The following PDZRN4 variants were observed in gnomAD, a reference collection of about 807,000 sequenced individuals.
PDZRN4 encodes PDZ domain-containing RING finger protein 4.
Under a neutral mutation model 99.0 loss-of-function variants are expected in PDZRN4, and 70 were observed. That is an observed-to-expected ratio of 0.71 (90% confidence interval 0.58 to 0.86). The LOEUF is 0.86. Ranked by LOEUF, PDZRN4 falls within the 40% of genes least tolerant of loss-of-function variation. The pLI is 0.00. For missense variants in PDZRN4, 1,474 were observed against 1,331.2 expected (o/e 1.11, Z -1.67); for synonymous variants, 551 against 501.6 (o/e 1.10, Z -1.32).
chr12:41,494,591 T>G (rs1478299664), intron 3 of PDZRN4, among the ~76,000 whole-genome samples: 1 of 152,146 alleles, frequency 6.6e-6, no homozygotes, highest in Non-Finnish European at 1.5e-5. Flanking sequence ...TACTTTATTT[T>G]TTTTTTGCCT....
intron 3 of PDZRN4, among the ~76,000 whole-genome samples, chr12:41,408,801 C>A (rs1391742495): frequency 6.6e-6 from 1 of 151,734 alleles, no homozygotes. Context: ...CTCTCTCTGT[C>A]TCTGTCTCTC....
chr12:41,464,469 C>T (rs1952906250), intron 3 of PDZRN4, among the ~76,000 whole-genome samples: 1 of 152,198 alleles, frequency 6.6e-6, no homozygotes, highest in South Asian at 2.1e-4. Flanking sequence ...CCAGTCTAGA[C>T]ATGAGATCTG....
intron 3 of PDZRN4, among the ~76,000 whole-genome samples, chr12:41,360,995 C>A (rs1296626686): frequency 2.0e-5 from 3 of 151,582 alleles, no homozygotes; most frequent in Admixed American, 6.6e-5. Flanking sequence ...GGAACATACA[C>A]ATGTACATAC....
At chr12:41,245,688 A>G (rs1030164585) in intron 3 of PDZRN4, among the ~76,000 whole-genome samples, 2 of 152,042 alleles carry the variant, frequency 1.3e-5, no homozygotes, top group African/African-American at 4.8e-5. Context: ...ATAAAAAGTG[A>G]AAAAAAATAT....
chr12:41,228,092 A>G (rs1951006891), intron 3 of PDZRN4, among the ~76,000 whole-genome samples: 1 of 152,174 alleles, frequency 6.6e-6, no homozygotes, highest in Admixed American at 6.5e-5. Context: ...GTACAGGAAA[A>G]GACAGTCATC....
At chr12:41,245,828 G>C (rs2120794097) in intron 3 of PDZRN4, among the ~76,000 whole-genome samples, 1 of 152,260 alleles carries the variant, frequency 6.6e-6, no homozygotes, top group South Asian at 2.1e-4. Context: ...AGCAAAAGAA[G>C]GGCAGCCCCA....
intron 3 of PDZRN4, among the ~76,000 whole-genome samples, chr12:41,257,000 A>C (rs1404420470): frequency 2.0e-5 from 3 of 152,044 alleles, no homozygotes; most frequent in Non-Finnish European, 4.4e-5. Context: ...ACTTTCCTCC[A>C]CATTCTTCAA....
intron 3 of PDZRN4, among the ~76,000 whole-genome samples, chr12:41,404,982 T>C (rs1477175323): frequency 6.6e-6 from 1 of 151,954 alleles, no homozygotes; most frequent in Non-Finnish European, 1.5e-5. Context: ...AATTAAAGAT[T>C]TAAATGTAAT....
intron 3 of PDZRN4, among the ~76,000 whole-genome samples, chr12:41,505,477 T>C (rs1938189480): frequency 1.3e-5 from 2 of 152,226 alleles, no homozygotes; most frequent in East Asian, 3.9e-4. Context: ...AATTGACAAA[T>C]ATTTGAGAGT....
At chr12:41,432,469 G>T (rs1390889401) in intron 3 of PDZRN4, among the ~76,000 whole-genome samples, 1 of 152,118 alleles carries the variant, frequency 6.6e-6, no homozygotes, top group Non-Finnish European at 1.5e-5. Flanking sequence ...ATGTCAATTT[G>T]CCCAACTCAG....
chr12:41,470,377 A>G (rs183019307), intron 3 of PDZRN4, among the ~76,000 whole-genome samples: 38 of 152,030 alleles, frequency 2.5e-4, no homozygotes, highest in African/African-American at 8.4e-4. Context: ...GTTTTTTTGT[A>G]TGTGTTTTTG....
At chr12:41,257,624 A>G (rs1332041721) in intron 3 of PDZRN4, among the ~76,000 whole-genome samples, 2 of 152,236 alleles carry the variant, frequency 1.3e-5, no homozygotes, top group African/African-American at 4.8e-5. Context: ...CTTTGGACAC[A>G]TAGAAGAAAT....
chr12:41,497,691 G>A (rs1266325123), intron 3 of PDZRN4, among the ~76,000 whole-genome samples: 1 of 152,158 alleles, frequency 6.6e-6, no homozygotes, highest in Non-Finnish European at 1.5e-5. Flanking sequence ...TTGGAGAGCA[G>A]GATATCAGGT....
intron 3 of PDZRN4, among the ~76,000 whole-genome samples, chr12:41,233,204 T>A (rs1004514647): frequency 2.6e-5 from 4 of 152,102 alleles, no homozygotes; most frequent in African/African-American, 9.7e-5. Flanking sequence ...TCATCACTGG[T>A]CATCAGAGAA....
At chr12:41,514,893 A>G (rs1325273386) in intron 5 of PDZRN4, among the ~76,000 whole-genome samples, 3 of 152,130 alleles carry the variant, frequency 2.0e-5, no homozygotes, top group African/African-American at 7.2e-5. Flanking sequence ...AGACATAAGT[A>G]ATGTAGTAGA....
intron 3 of PDZRN4, among the ~76,000 whole-genome samples, chr12:41,246,272 G>T (rs555851608): frequency 5.3e-5 from 8 of 152,098 alleles, no homozygotes; most frequent in African/African-American, 1.9e-4. Context: ...TATTCATCGA[G>T]GTTTTAAAAC....
intron 3 of PDZRN4, among the ~76,000 whole-genome samples, chr12:41,300,961 G>A (rs1222226233): frequency 6.6e-6 from 1 of 152,038 alleles, no homozygotes; most frequent in African/African-American, 2.4e-5. Flanking sequence ...AGCAGCCAAG[G>A]TGAAAGGGGT....
chr12:41,293,919 C>T (rs1456480077), intron 3 of PDZRN4, among the ~76,000 whole-genome samples: 1 of 152,140 alleles, frequency 6.6e-6, no homozygotes, highest in African/African-American at 2.4e-5. Context: ...ATGACCATTA[C>T]AAATAAGCAA....
At chr12:41,258,518 G>A (rs887504280) in intron 3 of PDZRN4, among the ~76,000 whole-genome samples, 1 of 152,182 alleles carries the variant, frequency 6.6e-6, no homozygotes, top group South Asian at 2.1e-4. Context: ...TAAAAGAAAA[G>A]GGGGTAAAAA....
Sources: allele counts gnomAD v4.1 joint callset (sites outside exome capture counted in the v4.1 genomes callset), GRCh38; gene constraint gnomAD v4.1.1; transcripts MANE v1.5; gene names NCBI Gene and HGNC (gene_info 2026-07-23, HGNC 2026-07-21).